Variants in SKIC2 observed in about 807,000 individuals in gnomAD.
SKIC2 encodes the protein superkiller complex protein 2.
the SKIC2 span, chr6:31,959,317 C>T: frequency 6.2e-7 from 1 of 1,613,976 alleles, no homozygotes. Context: ...TCCAGATCCC[C>T]TGGACCTACC....
the SKIC2 span, among the ~76,000 whole-genome samples, chr6:31,965,413 A>G: frequency 6.6e-6 from 1 of 152,274 alleles, no homozygotes; most frequent in Admixed American, 6.5e-5. This position sits in a 1 kb window ranked among gnomAD's most constrained non-coding sequence, Gnocchi z 5.6. Context: ...GAGAAAAAGA[A>G]GCAAAAAAAA....
chr6:31,964,301 A>G, the SKIC2 span: 1 of 1,612,812 alleles, frequency 6.2e-7, no homozygotes, highest in Admixed American at 1.7e-5. This position sits in a 1 kb window ranked among gnomAD's most constrained non-coding sequence, Gnocchi z 5.0. Context: ...GCCCATCCTC[A>G]AGGAGATCGT....
At chr6:31,966,833 G>A in the SKIC2 span, 32 of 1,614,046 alleles carry the variant, frequency 2.0e-5, no homozygotes, top group Middle Eastern at 1.6e-4. This position sits in a 1 kb window ranked among gnomAD's most constrained non-coding sequence, Gnocchi z 5.9. Flanking sequence ...TTTCCCTCCC[G>A]CAAAGACAGC....
chr6:31,968,621 A>C, the SKIC2 span: 26 of 1,552,946 alleles, frequency 1.7e-5, no homozygotes, highest in Non-Finnish European at 2.1e-5. The surrounding 1 kb of genome is among the most constrained non-coding windows in gnomAD (Gnocchi z 6.1). Flanking sequence ...CCCCCATCTC[A>C]GCCCTTGTCC....
At chr6:31,963,733 G>T in the SKIC2 span, 1 of 1,544,222 alleles carries the variant, frequency 6.5e-7, no homozygotes, top group Non-Finnish European at 8.7e-7. The surrounding 1 kb of genome is among the most constrained non-coding windows in gnomAD (Gnocchi z 5.3). Flanking sequence ...GCCCTGCACA[G>T]GTGAGAACTG....
the SKIC2 span, chr6:31,965,857 CAAACACGA>C: frequency 6.2e-7 from 1 of 1,613,056 alleles, no homozygotes; most frequent in Non-Finnish European, 8.5e-7. The surrounding 1 kb of genome is among the most constrained non-coding windows in gnomAD (Gnocchi z 5.6). Flanking sequence ...ACTCCATGCG[CAAACACGA>C]TGGCTCCACC....
At chr6:31,960,914 G>T in the SKIC2 span, 8 of 901,042 alleles carry the variant, frequency 8.9e-6, no homozygotes, top group African/African-American at 1.7e-5. Context: ...CATCTGTTGG[G>T]AAAGTGTCAT....
the SKIC2 span, chr6:31,967,416 G>A: frequency 1.3e-6 from 2 of 1,484,822 alleles, no homozygotes; most frequent in Non-Finnish European, 1.9e-6. This position sits in a 1 kb window ranked among gnomAD's most constrained non-coding sequence, Gnocchi z 4.9. Flanking sequence ...AGGGTGGGAG[G>A]GAGCAAGCCC....
the SKIC2 span, chr6:31,967,374 A>C: frequency 6.2e-7 from 1 of 1,608,386 alleles, no homozygotes; most frequent in Non-Finnish European, 8.5e-7. This position sits in a 1 kb window ranked among gnomAD's most constrained non-coding sequence, Gnocchi z 4.9. Flanking sequence ...GAGTGATCCT[A>C]CAGGTGAGGG....
the SKIC2 span, chr6:31,969,592 G>A: frequency 6.2e-7 from 1 of 1,613,686 alleles, no homozygotes; most frequent in Non-Finnish European, 8.5e-7. This position sits in a 1 kb window ranked among gnomAD's most constrained non-coding sequence, Gnocchi z 6.1. Context: ...TGGCTGAGAT[G>A]TGTCGCTCAC....
the SKIC2 span, chr6:31,964,183 AG>A: frequency 6.2e-7 from 1 of 1,607,118 alleles, no homozygotes; most frequent in Non-Finnish European, 8.5e-7. The surrounding 1 kb of genome is among the most constrained non-coding windows in gnomAD (Gnocchi z 5.0). Flanking sequence ...TGGTGGGGAT[AG>A]GGTGTTCCGA....
At chr6:31,963,787 T>C in the SKIC2 span, 5 of 1,510,070 alleles carry the variant, frequency 3.3e-6, no homozygotes, top group Non-Finnish European at 3.6e-6. The surrounding 1 kb of genome is among the most constrained non-coding windows in gnomAD (Gnocchi z 5.3). Flanking sequence ...CTCCTATCTT[T>C]TTTTTCCCCT....
the SKIC2 span, chr6:31,961,207 C>T: frequency 3.1e-6 from 5 of 1,614,138 alleles, no homozygotes; most frequent in Non-Finnish European, 4.2e-6. Context: ...TTGTCCAACT[C>T]CAGCTCCTGG....
chr6:31,968,647 T>A, the SKIC2 span: 2 of 1,572,298 alleles, frequency 1.3e-6, no homozygotes, highest in East Asian at 4.5e-5. The surrounding 1 kb of genome is among the most constrained non-coding windows in gnomAD (Gnocchi z 6.1). Flanking sequence ...GCACCCCTGC[T>A]AAGGGGCAAG....
the SKIC2 span, chr6:31,969,733 A>G: frequency 6.3e-7 from 1 of 1,583,666 alleles, no homozygotes; most frequent in Non-Finnish European, 8.6e-7. The surrounding 1 kb of genome is among the most constrained non-coding windows in gnomAD (Gnocchi z 6.1). Flanking sequence ...ATGTAAAAAC[A>G]TGATGATAAA....
chr6:31,966,547 T>C, the SKIC2 span, among the ~76,000 whole-genome samples: 1 of 152,160 alleles, frequency 6.6e-6, no homozygotes, highest in Non-Finnish European at 1.5e-5. This position sits in a 1 kb window ranked among gnomAD's most constrained non-coding sequence, Gnocchi z 5.9. Context: ...TTATTTCAGT[T>C]TGCTCCCTTA....
chr6:31,962,424 A>G, the SKIC2 span: 1 of 1,613,628 alleles, frequency 6.2e-7, no homozygotes, highest in South Asian at 1.1e-5. This position sits in a 1 kb window ranked among gnomAD's most constrained non-coding sequence, Gnocchi z 5.0. Flanking sequence ...GGCTAACTTC[A>G]TGCTCTCTTC....
chr6:31,968,718 G>A, the SKIC2 span: 2 of 1,612,924 alleles, frequency 1.2e-6, no homozygotes, highest in South Asian at 2.2e-5. The surrounding 1 kb of genome is among the most constrained non-coding windows in gnomAD (Gnocchi z 6.1). Context: ...TGCAGATACA[G>A]AAGGAGATGG....
chr6:31,962,856 G>A, the SKIC2 span: 31 of 1,387,756 alleles, frequency 2.2e-5, no homozygotes, highest in Admixed American at 6.7e-5. This position sits in a 1 kb window ranked among gnomAD's most constrained non-coding sequence, Gnocchi z 5.0. Flanking sequence ...CCAGTTGAGC[G>A]TCTCCCTTAT....
Sources: allele counts gnomAD v4.1 joint callset (sites outside exome capture counted in the v4.1 genomes callset), GRCh38; gene constraint gnomAD v4.1.1; non-coding constraint Gnocchi (gnomAD v3.1); transcripts MANE v1.5; gene names NCBI Gene and HGNC (gene_info 2026-07-23, HGNC 2026-07-21).